The following NIPAL2 variants were observed in gnomAD, a reference collection of about 807,000 sequenced individuals.
The protein encoded by NIPAL2 is NIPA-like protein 2.
Under a neutral mutation model 48.9 loss-of-function variants are expected in NIPAL2, and 43 were observed. That is an observed-to-expected ratio of 0.88 (90% confidence interval 0.69 to 1.13). The LOEUF (loss-of-function observed/expected upper bound fraction) is 1.13. Among genes scored for constraint, NIPAL2 ranks in the 50% most tolerant of loss-of-function variants. NIPAL2 has a pLI of 0.00. For missense variants in NIPAL2, 446 were observed against 461.4 expected, an observed-to-expected ratio of 0.97 and a Z score of 0.31; for synonymous variants, 167 against 174.6, an observed-to-expected ratio of 0.96 and a Z score of 0.34.
At chr8:98,196,066 A>G in intron 8 of NIPAL2, 61 bp from the exon 9 acceptor site, 2 of 982,788 alleles carry the variant, frequency 2.0e-6, no homozygotes, top group Non-Finnish European at 3.0e-6. Context: ...TAATAGCTAA[A>G]TATTGTTTGT....
At chr8:98,204,442 G>A (rs970860907) in intron 7 of NIPAL2, among the ~76,000 whole-genome samples, 1 of 152,192 alleles carries the variant, frequency 6.6e-6, no homozygotes, top group African/African-American at 2.4e-5. Flanking sequence ...AAAACTTTCA[G>A]GTCAACTCAA....
chr8:98,276,244 A>G (rs1815452333), intron 1 of NIPAL2, among the ~76,000 whole-genome samples: 1 of 152,132 alleles, frequency 6.6e-6, no homozygotes, highest in African/African-American at 2.4e-5. Context: ...GTGCTTGCCT[A>G]TTCATCCCTT....
intron 1 of NIPAL2, among the ~76,000 whole-genome samples, chr8:98,262,419 A>C (rs1212011390): frequency 4.0e-5 from 6 of 150,310 alleles, no homozygotes; most frequent in African/African-American, 7.3e-5. Context: ...GCTCAAAATA[A>C]AAGGATGGAG....
intron 3 of NIPAL2, among the ~76,000 whole-genome samples, chr8:98,248,798 G>A (rs373075317): frequency 5.9e-5 from 9 of 152,256 alleles, no homozygotes; most frequent in Admixed American, 3.9e-4. Flanking sequence ...GATTTTGGAC[G>A]TATTATTCAT....
At chr8:98,278,720 C>G (rs939064595) in intron 1 of NIPAL2, among the ~76,000 whole-genome samples, 5 of 152,256 alleles carry the variant, frequency 3.3e-5, no homozygotes, top group East Asian at 3.9e-4. Flanking sequence ...TAGTATAGAC[C>G]TGGCACAGAG....
chr8:98,278,086 A>T (rs1302455859), intron 1 of NIPAL2, among the ~76,000 whole-genome samples: 1 of 152,186 alleles, frequency 6.6e-6, no homozygotes, highest in Non-Finnish European at 1.5e-5. Flanking sequence ...TTTACTCAGC[A>T]CTTTGATGTT....
chr8:98,274,713 T>A (rs1815359014), intron 1 of NIPAL2, among the ~76,000 whole-genome samples: 1 of 152,098 alleles, frequency 6.6e-6, no homozygotes, highest in Admixed American at 6.5e-5. Flanking sequence ...CTAGATTTTT[T>A]AAACTGAAAT....
intron 6 of NIPAL2, among the ~76,000 whole-genome samples, chr8:98,209,675 A>AT (rs112726461): frequency 0.017 from 2,523 of 145,676 alleles, 50 homozygotes; most frequent in African/African-American, 0.049. Context: ...TTATTTGCTA[A>AT]TTTTTTTTTT....
At chr8:98,237,241 G>C (rs1812766315) in intron 3 of NIPAL2, among the ~76,000 whole-genome samples, 1 of 151,708 alleles carries the variant, frequency 6.6e-6, no homozygotes, top group Non-Finnish European at 1.5e-5. Flanking sequence ...TTTTAGAAAT[G>C]GGGTCTCACT....
chr8:98,200,138 C>T (rs558336404), intron 8 of NIPAL2, among the ~76,000 whole-genome samples: 2 of 152,118 alleles, frequency 1.3e-5, no homozygotes, highest in African/African-American at 4.8e-5. Context: ...AATTTAGAAA[C>T]GTTGTAGTAA....
At chr8:98,220,291 A>G (rs1446294869) in intron 5 of NIPAL2, among the ~76,000 whole-genome samples, 2 of 152,216 alleles carry the variant, frequency 1.3e-5, no homozygotes, top group Non-Finnish European at 2.9e-5. Context: ...ACACTTTTCA[A>G]TACTAGGCAT....
At chr8:98,288,525 G>C (rs1324157765) in intron 1 of NIPAL2, among the ~76,000 whole-genome samples, 1 of 151,582 alleles carries the variant, frequency 6.6e-6, no homozygotes, top group Non-Finnish European at 1.5e-5. Context: ...CTTTATAGCA[G>C]CATGATTTAT....
intron 4 of NIPAL2, among the ~76,000 whole-genome samples, chr8:98,227,454 C>CT (rs1812232093): frequency 6.6e-6 from 1 of 152,102 alleles, no homozygotes; most frequent in Admixed American, 6.5e-5. Context: ...CCCAAATACT[C>CT]TTTAGTCAGC....
intron 1 of NIPAL2, among the ~76,000 whole-genome samples, chr8:98,274,785 T>G (rs1182442525): frequency 6.6e-6 from 1 of 152,118 alleles, no homozygotes; most frequent in Non-Finnish European, 1.5e-5. Flanking sequence ...ATAGTTTCAT[T>G]TATTTCTACT....
chr8:98,213,735 G>C (rs1393849690), intron 5 of NIPAL2, among the ~76,000 whole-genome samples: 1 of 151,978 alleles, frequency 6.6e-6, no homozygotes. Context: ...AAGTCACTCA[G>C]CTCACAGGTC....
At chr8:98,277,982 C>A (rs375166289) in intron 1 of NIPAL2, among the ~76,000 whole-genome samples, 3 of 152,268 alleles carry the variant, frequency 2.0e-5, no homozygotes, top group East Asian at 3.9e-4. Flanking sequence ...TTTAGTAGCT[C>A]TTTCAATAAA....
chr8:98,212,449 C>T lies in NIPAL2; in HGVS notation c.611G>A (p.Gly204Glu). The change falls in exon 6 of 11, where the codon GGA (glycine) becomes GAA (glutamate). Residue 204 changes from glycine (G) to glutamate (E), a missense_variant. Transcript: ENST00000430223. ...TAGCAGAATCACCATATGCTTCATT[C>T]CTTTTCTTTTATAGAAATACAGGAG... ...CILLYFYKRK[G>E]MKHMVILLTL... 1 of 1,586,788 alleles carries T rather than the reference C, an allele frequency of 6.3e-7. No homozygotes were observed. The highest frequency in any genetic ancestry group is 1.3e-5 in the African/African-American group (1 of 74,472).
chr8:98,273,616 A>T (rs904534128), intron 1 of NIPAL2, among the ~76,000 whole-genome samples: 11 of 152,156 alleles, frequency 7.2e-5, no homozygotes, highest in Non-Finnish European at 1.5e-4. Context: ...GATACTACAA[A>T]TGTAGCTATT....
intron 1 of NIPAL2, among the ~76,000 whole-genome samples, chr8:98,264,087 T>C (rs945000810): frequency 6.6e-6 from 1 of 152,066 alleles, no homozygotes; most frequent in African/African-American, 2.4e-5. Flanking sequence ...ACAACCCTTA[T>C]GCTAAAAACT....
Sources: gnomAD v4.1 joint callset for allele counts (sites outside exome capture counted in the v4.1 genomes callset) on GRCh38, gnomAD v4.1.1 for gene constraint, MANE v1.5 for transcripts, NCBI Gene and HGNC (gene_info 2026-07-23, HGNC 2026-07-21) for gene names.